The following PCDHGA6 variants were observed in gnomAD, a reference collection of about 807,000 sequenced individuals.
The protein encoded by PCDHGA6 is protocadherin gamma-A6.
In PCDHGA6, 41 loss-of-function variants were observed where a neutral mutation model predicts 60.6. The ratio of observed to expected loss-of-function variants is 0.68; its 90% CI spans 0.53 to 0.88. The LOEUF (loss-of-function observed/expected upper bound fraction) is 0.88. PCDHGA6 is among the 40% of genes least tolerant of loss of function. The pLI is 0.00. For missense variants in PCDHGA6, 1,312 were observed against 1,203.0 expected (o/e 1.09, Z -1.34); for synonymous variants, 594 against 524.4 (o/e 1.13, Z -1.81).
chr5:141,472,188 G>C (rs779077950), intron 1 of PCDHGA6, among the ~76,000 whole-genome samples: 4 of 152,168 alleles, frequency 2.6e-5, no homozygotes, highest in Middle Eastern at 3.2e-3. Context: ...ATTGGAATTT[G>C]AATCTTTTTG....
chr5:141,383,655 C>T, intron 1 of PCDHGA6: 1 of 1,613,986 alleles, frequency 6.2e-7, no homozygotes, highest in East Asian at 2.2e-5. Context: ...TAACTGTCCC[C>T]GAGAATGTGC....
chr5:141,474,083 A>G (rs771906750), intron 1 of PCDHGA6, among the ~76,000 whole-genome samples: 2 of 152,190 alleles, frequency 1.3e-5, no homozygotes, highest in African/African-American at 2.4e-5. Flanking sequence ...AACAAAAACC[A>G]AAAAACAAAC....
rs371490086 is a variant in PCDHGA6 at position 141,405,329 on chromosome 5, G to A, written c.2424+28822G>A. 241 of 1,614,168 alleles carry A rather than the reference G, an allele frequency of 1.5e-4. No individual in the cohort carries two copies. Among genetic ancestry groups the A allele is most frequent in the African/African-American group, 1.1e-3 (80 of 75,034 alleles). The stretch of plus-strand genomic sequence containing the variant: ...CTGTGAGAAAAATGAGCCTTTGTGC[G>A]TCTCTGTTGATTCCAAGTTTCCTAT... On this transcript the variant is annotated intron_variant, in intron 1 of 3. Coordinates refer to ENST00000517434, the MANE Select transcript of PCDHGA6 (RefSeq NM_018919.3).
chr5:141,492,303 G>A (rs969991314), intron 1 of PCDHGA6, among the ~76,000 whole-genome samples: 1 of 152,202 alleles, frequency 6.6e-6, no homozygotes, highest in African/African-American at 2.4e-5. Context: ...GCGGACGCAC[G>A]CACGCACTCC....
At chr5:141,410,142 G>C in intron 1 of PCDHGA6, 1 of 1,612,730 alleles carries the variant, frequency 6.2e-7, no homozygotes, top group African/African-American at 1.3e-5. Context: ...GTCGCTGTGC[G>C]TGACGGTGGA....
Position 141,489,753 on chromosome 5 carries a change from T to A in PCDHGA6, c.2425-5054T>A, listed in dbSNP as rs549652158. On this transcript the variant is annotated intron_variant, in intron 1 of 3. Transcript: ENST00000517434. The surrounding 1 kb of genome is among the most constrained non-coding windows in gnomAD (Gnocchi z 4.5). ...GCACCAATACTGTGAGCTTTTACAC[T>A]CTAAGCCCCAACAGCCACTTCTCTC... 6.2e-7 allele frequency: 1 copy of A among 1,614,070 alleles called. No homozygotes were observed. The highest frequency in any genetic ancestry group is 2.2e-5 in the East Asian group (1 of 44,866).
At position 141,486,821 on chromosome 5, in the gene PCDHGA6, A is replaced by T. The variant is rs756652952; in HGVS notation, c.2425-7986A>T. On this transcript the variant is annotated intron_variant, in intron 1 of 3. Transcript: ENST00000517434. The surrounding 1 kb of genome is among the most constrained non-coding windows in gnomAD (Gnocchi z 5.0). ...CAACCCACCCCTTAGCAGCACTGTA[A>T]CAGTTCGTCTATTTGTGCTGGACCT... 36 of 1,614,116 alleles carry T rather than the reference A, an allele frequency of 2.2e-5. No individual in the cohort carries two copies. In the South Asian group the frequency reaches 3.4e-4, roughly 15 times the overall value.
intron 1 of PCDHGA6, chr5:141,419,521 C>T (rs1418329404): frequency 1.2e-6 from 2 of 1,612,122 alleles, no homozygotes; most frequent in East Asian, 2.2e-5. Context: ...TGGTGGGCGA[C>T]CGTAACGACA....
intron 1 of PCDHGA6, chr5:141,441,837 G>A (rs952709777): frequency 2.8e-6 from 1 of 354,138 alleles, no homozygotes. Context: ...ATGGCTTCGC[G>A]CTCTTGGATA....
At chr5:141,386,427 C>T (rs2090573409) in intron 1 of PCDHGA6, among the ~76,000 whole-genome samples, 1 of 152,052 alleles carries the variant, frequency 6.6e-6, no homozygotes. Context: ...CTGTAGCCCA[C>T]CTGCATGGGA....
intron 1 of PCDHGA6, chr5:141,414,391 T>TG (rs1367379916): frequency 6.2e-7 from 1 of 1,613,862 alleles, no homozygotes; most frequent in South Asian, 1.1e-5. Flanking sequence ...TGACAGTTAT[T>TG]ACAGATTGGT....
chr5:141,389,389 A>G, intron 1 of PCDHGA6: 1 of 1,613,668 alleles, frequency 6.2e-7, no homozygotes, highest in Non-Finnish European at 8.5e-7. Context: ...CTGTCATCCT[A>G]CGTGTCCATA....
chr5:141,425,523 T>C (rs1260519939), intron 1 of PCDHGA6, among the ~76,000 whole-genome samples: 1 of 152,248 alleles, frequency 6.6e-6, no homozygotes, highest in Admixed American at 6.5e-5. Flanking sequence ...TGATGAAACA[T>C]GAAACAATAA....
intron 1 of PCDHGA6, among the ~76,000 whole-genome samples, chr5:141,382,187 A>G (rs527857463): frequency 6.6e-6 from 1 of 152,216 alleles, no homozygotes; most frequent in Non-Finnish European, 1.5e-5. Flanking sequence ...AAGGTTCTAT[A>G]CAATCAAAAA....
chr5:141,395,525 G>A, intron 1 of PCDHGA6: 2 of 384,022 alleles, frequency 5.2e-6, no homozygotes, highest in Non-Finnish European at 9.3e-6. Flanking sequence ...CGTCCATACT[G>A]GTAATTTTGC....
At chr5:141,440,428 C>A (rs1001845529) in intron 1 of PCDHGA6, 1 of 152,132 alleles carries the variant, frequency 6.6e-6, no homozygotes, top group Non-Finnish European at 1.5e-5. Context: ...GCCTGGGTGA[C>A]AGAGCAAGGC....
In PCDHGA6 at chr5:141,374,560, C is replaced by A. The variant is rs185125730; in HGVS notation, c.477C>A (p.Asp159Glu). The A allele has an allele frequency of 7.4e-6, 12 of 1,613,708 alleles. No individual in the cohort carries two copies. The highest frequency in any genetic ancestry group is 1.3e-5 in the African/African-American group (1 of 75,052). The change falls in exon 1 of 4, where the codon GAC becomes GAA. Residue 159 changes from aspartate to glutamate, a missense_variant. Transcript: ENST00000517434. ...GTTTTCCACTAATGGAGGTCTATGA[C>A]CCTGATGTGGGAATGAACTCCCTTC... is the stretch of plus-strand genomic sequence containing the variant. ...SSRFPLMEVYDPDVGMNSLQG... is the reference protein window; with the variant it reads ...SSRFPLMEVYEPDVGMNSLQG...
At chr5:141,405,104 C>T in intron 1 of PCDHGA6, 1 of 1,613,940 alleles carries the variant, frequency 6.2e-7, no homozygotes, top group Non-Finnish European at 8.5e-7. Flanking sequence ...CAGGCTGAGG[C>T]ACTGGCACTC....
At chr5:141,391,211 A>C (rs2092317474) in intron 1 of PCDHGA6, 1 of 152,220 alleles carries the variant, frequency 6.6e-6, no homozygotes, top group African/African-American at 2.4e-5. Flanking sequence ...AATACCAAGG[A>C]ACATTATATG....
Sources: gnomAD v4.1 joint callset for allele counts (sites outside exome capture counted in the v4.1 genomes callset) on GRCh38, gnomAD v4.1.1 for gene constraint, Gnocchi (gnomAD v3.1) non-coding constraint, MANE v1.5 for transcripts, NCBI Gene and HGNC (gene_info 2026-07-23, HGNC 2026-07-21) for gene names.